WBP2NL: variants seen among roughly 807,000 people sequenced by gnomAD.
WBP2NL encodes the protein WBP2 N-terminal like.
Under a neutral mutation model 23.3 loss-of-function variants are expected in WBP2NL, and 27 were observed. The ratio of observed to expected loss-of-function variants is 1.16; its 90% CI spans 0.85 to 1.60. WBP2NL has a LOEUF of 1.60. Among genes scored for constraint, WBP2NL ranks in the 40% most tolerant of loss-of-function variants. WBP2NL has a pLI of 0.00. For missense variants in WBP2NL, 370 were observed against 389.5 expected, an observed-to-expected ratio of 0.95 and a Z score of 0.42; for synonymous variants, 151 against 145.9, an observed-to-expected ratio of 1.03 and a Z score of -0.25.
intron 1 of WBP2NL, among the ~76,000 whole-genome samples, chr22:42,011,086 C>A (rs960670814): frequency 2.6e-5 from 4 of 152,122 alleles, no homozygotes; most frequent in African/African-American, 9.7e-5. Flanking sequence ...TACTGACCTG[C>A]AATTTTATTT....
intron 8 of WBP2NL, among the ~76,000 whole-genome samples, chr22:42,042,368 T>C (rs1300636724): frequency 6.6e-6 from 1 of 152,206 alleles, no homozygotes; most frequent in Non-Finnish European, 1.5e-5. Flanking sequence ...TTTTCTCTTT[T>C]CTCCTCCAAT....
chr22:42,029,571 C>G (rs1924800638), downstream of WBP2NL, among the ~76,000 whole-genome samples: 1 of 152,022 alleles, frequency 6.6e-6, no homozygotes, highest in African/African-American at 2.4e-5. Flanking sequence ...GGGGTCTGGC[C>G]ATGTTGGCCA....
intron 8 of WBP2NL, among the ~76,000 whole-genome samples, chr22:42,040,534 C>G (rs138045230): frequency 4.6e-5 from 7 of 152,260 alleles, no homozygotes; most frequent in African/African-American, 1.7e-4. Flanking sequence ...CGAGATCTTT[C>G]TTCTTTTTAA....
downstream of WBP2NL, chr22:42,031,120 CTG>C (rs1924913213): frequency 6.6e-6 from 1 of 152,228 alleles, no homozygotes; most frequent in Admixed American, 6.5e-5. Flanking sequence ...AAGGCTGTGA[CTG>C]TGTAAGGATA....
In WBP2NL at chr22:42,028,309, A is replaced by G. The variant is rs1602469281; in HGVS notation, c.*1128A>G. The G allele has an allele frequency of 1.6e-5, 6 of 371,252 alleles. 1 individual carries two copies. The highest frequency in any genetic ancestry group is 1.6e-4 in the East Asian group (4 of 25,748). The allele number at this position is 371,252 out of a possible 1,614,324, so 23.0% of individuals were successfully genotyped here. On this transcript the variant is annotated 3_prime_UTR_variant, in exon 6 of 6. Coordinates refer to ENST00000328823, the MANE Select transcript of WBP2NL (RefSeq NM_152613.3). ...ATGCCCCATTTTATAACAAATATTT[A>G]TATTTTATAACAAACGTTTATATTT... is the stretch of plus-strand genomic sequence containing the variant.
intron 1 of WBP2NL, among the ~76,000 whole-genome samples, chr22:42,016,654 T>A (rs1179857926): frequency 6.6e-6 from 1 of 152,254 alleles, no homozygotes; most frequent in Non-Finnish European, 1.5e-5. Context: ...TTGCTTTATT[T>A]ATTGCTTTTA....
chr22:42,016,900 A>G (rs1923353686), intron 1 of WBP2NL, among the ~76,000 whole-genome samples: 1 of 152,162 alleles, frequency 6.6e-6, no homozygotes, highest in African/African-American at 2.4e-5. Context: ...CTCCTTGCCT[A>G]TCAAATGATG....
At position 42,048,734 on chromosome 22, in the gene WBP2NL, C is replaced by T. The variant is rs1457257611; in HGVS notation, c.*274-9556C>T. ...TCACGCCACTGTACTCCAGCCTGGGCGACAGAGCGAGACTCGGTCTCAAAA... is the reference window on the plus strand; with the variant it reads ...TCACGCCACTGTACTCCAGCCTGGGTGACAGAGCGAGACTCGGTCTCAAAA... On this transcript the variant is annotated intron_variant and NMD_transcript_variant, in intron 8 of 8. Coordinates refer to the WBP2NL transcript ENST00000436265. Among the ~76,000 whole-genome samples the T allele has an allele frequency of 2.1e-5, 3 of 139,762 alleles. No individual in the cohort carries two copies. In the East Asian group the frequency reaches 6.4e-4, roughly 30 times the overall value. The allele number at this position is 139,762 out of a possible 152,430, so 91.7% of individuals were successfully genotyped here. A position where few individuals can be genotyped will look rare whatever the true frequency, so the allele number is the denominator to read the frequency against.
rs35848343 is a variant in WBP2NL, at chr22:42,041,481, T to TAAAAA, written c.*273+10677_*273+10681dup. On this transcript the variant is annotated intron_variant and NMD_transcript_variant, in intron 8 of 8. Coordinates refer to the WBP2NL transcript ENST00000436265. ...TGGCAACAGGGCGAGGTTCTGTCTT[T>TAAAAA]AAAAAAAAAAAAAAAAAAAAAAAGT... Among the ~76,000 whole-genome samples the TAAAAA allele has an allele frequency of 7.4e-3, 840 of 112,762 alleles. 16 individuals carry two copies. Among genetic ancestry groups the TAAAAA allele is most frequent in the African/African-American group, 0.029 (796 of 26,996 alleles). The allele number at this position is 112,762 out of a possible 152,430, so 74.0% of individuals were successfully genotyped here.
At position 42,026,784 on chromosome 22, in the gene WBP2NL, CA is replaced by C; in HGVS notation, c.534del (p.Pro179LeufsTer23). 1 of 1,613,866 alleles carries C rather than the reference CA, an allele frequency of 6.2e-7. No homozygotes were observed. The highest frequency in any genetic ancestry group is 8.5e-7 in the Non-Finnish European group (1 of 1,179,898). ...MPCSVIVYGA[P>X]PAGYGAPPPG... The stretch of plus-strand genomic sequence containing the variant: ...TTCCCAGTTATTGTCTATGGAGCCC[CA>C]CCTGCAGGATATGGAGCCCCACCTC... On this transcript the variant is annotated frameshift_variant, in exon 6 of 6. Transcript: ENST00000328823. LOFTEE classifies it low-confidence loss of function (END_TRUNC).
chr22:42,056,401 C>T (rs1926031369), intron 8 of WBP2NL, among the ~76,000 whole-genome samples: 1 of 152,124 alleles, frequency 6.6e-6, no homozygotes, highest in Non-Finnish European at 1.5e-5. Flanking sequence ...CCTTTTAAAT[C>T]AGATGGGGAC....
chr22:42,007,614 T>G (rs1275311181), intron 1 of WBP2NL, among the ~76,000 whole-genome samples: 2 of 152,226 alleles, frequency 1.3e-5, no homozygotes, highest in Non-Finnish European at 2.9e-5. Flanking sequence ...TTCTATGAAT[T>G]TGACTACTTC....
chr22:42,027,816 T>C lies in WBP2NL; in HGVS notation c.*635T>C, dbSNP rs1924649140. On this transcript the variant is annotated 3_prime_UTR_variant, in exon 6 of 6. Transcript: ENST00000328823. ...ATAGGAAAAAGTGATTTTCAACATATATATTAATTTATAGTCAGAATACGT... is the reference window on the plus strand; with the variant it reads ...ATAGGAAAAAGTGATTTTCAACATACATATTAATTTATAGTCAGAATACGT... 2.5e-6 allele frequency: 1 copy of C among 396,712 alleles called. No individual in the cohort carries two copies. Among genetic ancestry groups the C allele is most frequent in the Non-Finnish European group, 4.4e-6 (1 of 225,412 alleles). 24.6% of individuals were successfully genotyped at this position (396,712 alleles called of 1,614,324 possible).
intron 8 of WBP2NL, among the ~76,000 whole-genome samples, chr22:42,052,072 CTTTT>C (rs1925855629): frequency 6.6e-6 from 1 of 152,034 alleles, no homozygotes; most frequent in Admixed American, 6.6e-5. Context: ...ACCGGTCAGT[CTTTT>C]TAGTAAGGAA....
intron 1 of WBP2NL, among the ~76,000 whole-genome samples, chr22:42,007,314 G>A (rs926349753): frequency 6.6e-6 from 1 of 152,102 alleles, no homozygotes; most frequent in Non-Finnish European, 1.5e-5. Context: ...CTGTCAAAAT[G>A]TTTCTTTGGG....
intron 4 of WBP2NL, 30 bp downstream of exon 4, chr22:42,020,126 C>T (rs751684668): frequency 2.6e-5 from 41 of 1,580,702 alleles, no homozygotes; most frequent in Non-Finnish European, 3.2e-5. Context: ...ATATTAAGCA[C>T]TTTGGGGTTT....
chr22:42,038,223 C>G (rs1210411503), intron 8 of WBP2NL, among the ~76,000 whole-genome samples: 1 of 152,138 alleles, frequency 6.6e-6, no homozygotes, highest in African/African-American at 2.4e-5. Flanking sequence ...TCTAGGTCTA[C>G]TGATGTGATC....
chr22:42,036,599 C>A (rs547897619), downstream of WBP2NL, among the ~76,000 whole-genome samples: 1 of 152,134 alleles, frequency 6.6e-6, no homozygotes, highest in Non-Finnish European at 1.5e-5. Context: ...CATTTGTTAT[C>A]TTTTATCTTT....
rs184618170 is a variant in WBP2NL at position 42,000,066 on chromosome 22, C to T, written c.62+1186C>T. 1.5e-3 allele frequency among the ~76,000 whole-genome samples: 236 copies of T among 152,334 alleles called. 2 individuals carry two copies. In the Middle Eastern group the frequency reaches 0.024, roughly 15 times the overall value. On this transcript the variant is annotated intron_variant, in intron 1 of 5. Coordinates refer to ENST00000328823, the MANE Select transcript of WBP2NL (RefSeq NM_152613.3). ...TCTAAATTGCGCTCCTTTCTGGGCT[C>T]TGACTTGCCCTCAATTTCCTTTTCT...
Sources: gnomAD v4.1 joint callset for allele counts (sites outside exome capture counted in the v4.1 genomes callset) on GRCh38, gnomAD v4.1.1 for gene constraint, MANE v1.5 for transcripts, NCBI Gene and HGNC (gene_info 2026-07-23, HGNC 2026-07-21) for gene names.